Variants in CALHM2 observed in about 807,000 individuals in gnomAD.
CALHM2 encodes calcium homeostasis modulator family member 2.
Under a neutral mutation model 20.4 loss-of-function variants are expected in CALHM2, and 18 were observed. That is an observed-to-expected ratio of 0.88 (90% CI 0.61 to 1.31). The LOEUF is 1.31. Among genes scored for constraint, CALHM2 ranks in the 50% most tolerant of loss-of-function variants. The probability of loss-of-function intolerance (pLI) is 0.00; values close to 1 mark genes in which losing one functional copy is unlikely to be tolerated. For missense variants in CALHM2, 411 were observed against 435.7 expected, an observed-to-expected ratio of 0.94 and a Z score of 0.50; for synonymous variants, 193 against 192.1, an observed-to-expected ratio of 1.00 and a Z score of -0.04.
At position 103,450,006 on chromosome 10, in the gene CALHM2, T is replaced by C. The variant is rs2032902184; in HGVS notation, c.-65A>G. 2 of 1,469,676 alleles carry C rather than the reference T, an allele frequency of 1.4e-6. No individual in the cohort carries two copies. Among genetic ancestry groups the C allele is most frequent in the Non-Finnish European group, 1.9e-6 (2 of 1,072,624 alleles). 91.0% of individuals were successfully genotyped at this position (1,469,676 alleles called of 1,614,324 possible). The stretch of plus-strand genomic sequence containing the variant: ...AGGAGGAGACGGGATTGATGGTTGC[T>C]GGTGGTACTAGGAAGGGGCACAGGC... On this transcript the variant is annotated 5_prime_UTR_variant, in exon 3 of 4. Coordinates refer to ENST00000260743, the MANE Select transcript of CALHM2 (RefSeq NM_015916.5).
Position 103,447,060 on chromosome 10 carries a change from A to T in CALHM2, c.*92T>A, listed in dbSNP as rs2032664899. 3.0e-6 allele frequency: 4 copies of T among 1,346,388 alleles called. No homozygotes were observed. Among genetic ancestry groups the T allele is most frequent in the South Asian group, 2.9e-5 (2 of 69,672 alleles). The allele number at this position is 1,346,388 out of a possible 1,614,324, so 83.4% of individuals were successfully genotyped here. A position where few individuals can be genotyped will look rare whatever the true frequency, so the allele number is the denominator to read the frequency against. ...CTGGCCAAGAAGATAACAGTTTTTT[A>T]AAAATCCCCTTCTGATATGGATGTG... On this transcript the variant is annotated 3_prime_UTR_variant, in exon 4 of 4. Transcript: ENST00000260743.
chr10:103,450,737 T>C (rs1036847001), intron 2 of CALHM2: 4 of 152,242 alleles, frequency 2.6e-5, no homozygotes, highest in African/African-American at 7.2e-5. Flanking sequence ...TTCATGACTG[T>C]TCTCTGGGCC....
intron 3 of CALHM2, among the ~76,000 whole-genome samples, chr10:103,448,940 G>A (rs1252977454): frequency 6.6e-6 from 1 of 151,900 alleles, no homozygotes; most frequent in Non-Finnish European, 1.5e-5. Context: ...CTGACCCAAG[G>A]GACTCCCCTT....
At position 103,447,067 on chromosome 10, in the gene CALHM2, C is replaced by T. The variant is rs1419947909; in HGVS notation, c.*85G>A. On this transcript the variant is annotated 3_prime_UTR_variant, in exon 4 of 4. Transcript: ENST00000260743. ...AGAAGATAACAGTTTTTTAAAAATCCCCTTCTGATATGGATGTGAGCAAGC... is the reference window on the plus strand; with the variant it reads ...AGAAGATAACAGTTTTTTAAAAATCTCCTTCTGATATGGATGTGAGCAAGC... 12 of 1,366,088 alleles carry T rather than the reference C, an allele frequency of 8.8e-6. No homozygotes were observed. The South Asian group carries it at 1.6e-4, about 18-fold the overall frequency. 84.6% of individuals were successfully genotyped at this position (1,366,088 alleles called of 1,614,324 possible).
intron 3 of CALHM2, 153 bp downstream of exon 3, chr10:103,449,234 T>C (rs1466000975): frequency 1.2e-5 from 9 of 731,358 alleles, no homozygotes; most frequent in South Asian, 4.4e-5. Context: ...TGCCCCACCA[T>C]GCACCAGTTA....
At chr10:103,448,568 A>T (rs944680502) in intron 3 of CALHM2, among the ~76,000 whole-genome samples, 5 of 151,744 alleles carry the variant, frequency 3.3e-5, no homozygotes, top group African/African-American at 1.2e-4. Context: ...AAAAATACAA[A>T]AATTAGGTGG....
chr10:103,450,007 G>A lies in CALHM2; in HGVS notation c.-66C>T. 6.9e-7 allele frequency: 1 copy of A among 1,451,134 alleles called. No homozygotes were observed. Among genetic ancestry groups the A allele is most frequent in the East Asian group, 2.3e-5 (1 of 43,944 alleles). 89.9% of individuals were successfully genotyped at this position (1,451,134 alleles called of 1,614,324 possible). Reference sequence around the variant, plus strand: ...GGAGGAGACGGGATTGATGGTTGCTGGTGGTACTAGGAAGGGGCACAGGCT... The same window carrying A: ...GGAGGAGACGGGATTGATGGTTGCTAGTGGTACTAGGAAGGGGCACAGGCT... On this transcript the variant is annotated 5_prime_UTR_variant, in exon 3 of 4. Coordinates refer to ENST00000260743, the MANE Select transcript of CALHM2 (RefSeq NM_015916.5).
At chr10:103,448,259 G>A (rs1460890461) in intron 3 of CALHM2, among the ~76,000 whole-genome samples, 2 of 151,544 alleles carry the variant, frequency 1.3e-5, no homozygotes, top group Non-Finnish European at 2.9e-5. Context: ...CAGTTCTCCT[G>A]CCTCAGCCTC....
intron 3 of CALHM2, 61 bp from the exon 4 acceptor site, chr10:103,447,629 G>A (rs1410712511): frequency 7.1e-7 from 1 of 1,404,672 alleles, no homozygotes; most frequent in African/African-American, 1.4e-5. Flanking sequence ...CTACCCCCCA[G>A]AGCGAATGGA....
In CALHM2 at chr10:103,450,033, G is replaced by A. The variant is rs2032903613; in HGVS notation, c.-92C>T. ...GTGGTACTAGGAAGGGGCACAGGCT[G>A]GGAGGCGCTGGACGGCAGGGTGTGG... On this transcript the variant is annotated 5_prime_UTR_variant, in exon 3 of 4. Transcript: ENST00000260743. The A allele has an allele frequency of 3.4e-6, 4 of 1,186,392 alleles. No individual in the cohort carries two copies. The South Asian group carries it at 5.5e-5, about 16-fold the overall frequency. The allele number at this position is 1,186,392 out of a possible 1,614,324, so 73.5% of individuals were successfully genotyped here. A position where few individuals can be genotyped will look rare whatever the true frequency, so the allele number is the denominator to read the frequency against.
At position 103,450,077 on chromosome 10, in the gene CALHM2, A is replaced by G. The variant is rs941833415; in HGVS notation, c.-136T>C. ...GGTGTGGTTGTGCTATTTTATCCCC[A>G]GCTGTGGTTGGCCTGGTGTTTCCTG... is the stretch of plus-strand genomic sequence containing the variant. On this transcript the variant is annotated 5_prime_UTR_variant, in exon 3 of 4. Transcript: ENST00000260743. 2 of 758,210 alleles carry G rather than the reference A, an allele frequency of 2.6e-6. No individual in the cohort carries two copies. Among genetic ancestry groups the G allele is most frequent in the Non-Finnish European group, 4.3e-6 (2 of 470,328 alleles). 47.0% of individuals were successfully genotyped at this position (758,210 alleles called of 1,614,324 possible).
At position 103,449,628 on chromosome 10, in the gene CALHM2, G is replaced by C; in HGVS notation, c.314C>G (p.Ser105Cys). 1 of 1,613,978 alleles carries C rather than the reference G, an allele frequency of 6.2e-7. No homozygotes were observed. The highest frequency in any genetic ancestry group is 1.1e-5 in the South Asian group (1 of 91,088). The change falls in exon 3 of 4, where the codon TCC (serine) becomes TGC (cysteine). Residue 105 changes from serine (S) to cysteine (C), a missense_variant. By Grantham distance (112) the Ser-to-Cys change is moderately radical (BLOSUM62 -1). Coordinates refer to ENST00000260743, the MANE Select transcript of CALHM2 (RefSeq NM_015916.5). ...GGCCACAGCCGCACGTCCCAGGATG[G>C]AGCTTAGAAGGAGGAAGGTGGGGGC... ...SAAPTFLLLS[S>C]ILGRAAVAPV...
Position 103,449,476 on chromosome 10 carries a change from T to C in CALHM2, c.466A>G (p.Ile156Val). The change falls in exon 3 of 4, where the codon ATC (isoleucine) becomes GTC (valine). Residue 156 changes from isoleucine (I) to valine (V), a missense_variant. Physicochemically the swap from Ile to Val is conservative, Grantham distance 29. Transcript: ENST00000260743. ...EHFPSAHATE[I>V]LARFPCKENP... The stretch of plus-strand genomic sequence containing the variant: ...TCCTTGCAGGGGAACCTGGCCAGGA[T>C]TTCAGTGGCGTGGGCTGATGGGAAG... 6.2e-7 allele frequency: 1 copy of C among 1,613,416 alleles called. No individual in the cohort carries two copies. Among genetic ancestry groups the C allele is most frequent in the Admixed American group, 1.7e-5 (1 of 60,028 alleles).
In CALHM2 at chr10:103,447,006, C is replaced by T; in HGVS notation, c.*146G>A. 2.4e-6 allele frequency: 2 copies of T among 830,298 alleles called. No individual in the cohort carries two copies. The highest frequency in any genetic ancestry group is 2.9e-5 in the Admixed American group (1 of 34,520). 51.4% of individuals were successfully genotyped at this position (830,298 alleles called of 1,614,324 possible). ...TTCCATTGTCTACTGGGTCTGTCCA[C>T]ACCCCAGATTGCCTTGTGGTCCTTT... On this transcript the variant is annotated 3_prime_UTR_variant, in exon 4 of 4. Coordinates refer to ENST00000260743, the MANE Select transcript of CALHM2 (RefSeq NM_015916.5).
In CALHM2 at chr10:103,449,550, G is replaced by T; in HGVS notation, c.392C>A (p.Ala131Asp). 6.2e-7 allele frequency: 1 copy of T among 1,613,814 alleles called. No homozygotes were observed. Among genetic ancestry groups the T allele is most frequent in the African/African-American group, 1.3e-5 (1 of 75,068 alleles). The change falls in exon 3 of 4, where the codon GCT becomes GAT. Residue 131 changes from alanine (A) to aspartate (D), a missense_variant. Ala to Asp is a moderately radical substitution (Grantham distance 126). Coordinates refer to ENST00000260743, the MANE Select transcript of CALHM2 (RefSeq NM_015916.5). Reference protein sequence around the residue: ...SLLRGEAYVCALSEFVDPSSL... With the variant: ...SLLRGEAYVCDLSEFVDPSSL... The stretch of plus-strand genomic sequence containing the variant: ...GGAAGGGTCCACGAACTCACTGAGA[G>T]CACAGACATAAGCCTCACCACGCAG...
Position 103,449,825 on chromosome 10 carries a change from G to A in CALHM2, c.117C>T (p.Phe39=). 5.0e-6 allele frequency: 8 copies of A among 1,613,392 alleles called. No homozygotes were observed. The highest frequency in any genetic ancestry group is 6.8e-6 in the Non-Finnish European group (8 of 1,180,038). Residue 39 remains phenylalanine (F), a synonymous_variant, in exon 3 of 4, where the codon TTC becomes TTT. Transcript: ENST00000260743. ...AGGGGCAGTGGAAGGCCACCACAGA[G>A]AACAGCTCCTGGCTGCCCACCGTGC... is the stretch of plus-strand genomic sequence containing the variant. The part of the protein sequence containing the change: ...ALGTVGSQEL[F]SVVAFHCPCS...
rs184715548 is a variant in CALHM2, at chr10:103,446,876, C to T, written c.*276G>A. ...GAGGCCACTTCCCAGTGGTGCACTG[C>T]TGCGCTGGGTGTCCCTATGCAGCTA... On this transcript the variant is annotated 3_prime_UTR_variant, in exon 4 of 4. Transcript: ENST00000260743. The T allele has an allele frequency of 9.0e-4, 333 of 368,796 alleles. No individual in the cohort carries two copies. The highest frequency in any genetic ancestry group is 6.5e-3 in the African/African-American group (314 of 48,436). 22.8% of individuals were successfully genotyped at this position (368,796 alleles called of 1,614,324 possible).
At chr10:103,450,646 G>A in intron 2 of CALHM2, 1 of 153,406 alleles carries the variant, frequency 6.5e-6, no homozygotes, top group East Asian at 1.9e-4. Context: ...CGTGTGGGCT[G>A]GGGTGGGTAC....
chr10:103,447,690 T>C, intron 3 of CALHM2, 122 bp from the exon 4 acceptor site: 1 of 797,114 alleles, frequency 1.3e-6, no homozygotes, highest in Non-Finnish European at 1.9e-6. Context: ...GTGGCTGTGA[T>C]TCCATCGTTT....
Sources: gnomAD v4.1 joint callset for allele counts (sites outside exome capture counted in the v4.1 genomes callset) on GRCh38, gnomAD v4.1.1 for gene constraint, MANE v1.5 for transcripts, NCBI Gene and HGNC (gene_info 2026-07-23, HGNC 2026-07-21) for gene names.